Variants in DNAJC5B observed in about 807,000 individuals in gnomAD.
The protein encoded by DNAJC5B is dnaJ homolog subfamily C member 5B.
A neutral mutation model predicts 24.7 loss-of-function variants in DNAJC5B; 23 were observed. The ratio of observed to expected loss-of-function variants is 0.93; its 90% CI spans 0.67 to 1.32. The LOEUF is 1.32. Ranked by LOEUF, DNAJC5B falls within the 40% of genes most tolerant of loss-of-function variation. The probability of loss-of-function intolerance (pLI) is 0.00; values close to 1 mark genes in which losing one functional copy is unlikely to be tolerated. For missense variants in DNAJC5B, 238 were observed against 240.8 expected, an observed-to-expected ratio of 0.99 and a Z score of 0.08; for synonymous variants, 101 against 90.1, an observed-to-expected ratio of 1.12 and a Z score of -0.68.
At chr8:66,097,540 T>G (rs1188119437) in intron 5 of DNAJC5B, among the ~76,000 whole-genome samples, 1 of 148,092 alleles carries the variant, frequency 6.8e-6, no homozygotes, top group Non-Finnish European at 1.5e-5. Flanking sequence ...TTTTCTGGGT[T>G]TTTTTTTCAA....
intron 3 of DNAJC5B, among the ~76,000 whole-genome samples, chr8:66,053,805 T>C (rs894398493): frequency 1.3e-5 from 2 of 152,156 alleles, no homozygotes; most frequent in African/African-American, 4.8e-5. Context: ...AATTTTGTAT[T>C]TTTAGTAGAG....
intron 4 of DNAJC5B, among the ~76,000 whole-genome samples, chr8:66,077,769 C>G (rs755789490): frequency 2.6e-5 from 4 of 152,174 alleles, no homozygotes; most frequent in African/African-American, 4.8e-5. Flanking sequence ...TGCAGGAAGA[C>G]AGAGAATATG....
chr8:66,062,039 A>C (rs1044015062), intron 3 of DNAJC5B, among the ~76,000 whole-genome samples: 2 of 152,226 alleles, frequency 1.3e-5, no homozygotes, highest in Non-Finnish European at 2.9e-5. Flanking sequence ...CTGCAGCCTC[A>C]CAGACAGTAG....
intron 2 of DNAJC5B, among the ~76,000 whole-genome samples, chr8:66,050,807 A>G (rs1411008358): frequency 6.6e-6 from 1 of 152,198 alleles, no homozygotes; most frequent in Non-Finnish European, 1.5e-5. Flanking sequence ...TAGGATTTGA[A>G]TTATTATGTT....
intron 5 of DNAJC5B, among the ~76,000 whole-genome samples, chr8:66,095,051 G>T (rs971012935): frequency 1.2e-4 from 19 of 152,064 alleles, no homozygotes; most frequent in Admixed American, 6.5e-5. Context: ...AATGAGAGTG[G>T]TCTATAATTT....
chr8:66,077,139 A>G (rs965910535), intron 4 of DNAJC5B, among the ~76,000 whole-genome samples: 1 of 152,214 alleles, frequency 6.6e-6, no homozygotes, highest in Non-Finnish European at 1.5e-5. Context: ...TATAATGACT[A>G]AGTAAGGACT....
At position 66,094,487 on chromosome 8, in the gene DNAJC5B, C is replaced by G. The variant is rs79967906; in HGVS notation, c.506-5450C>G. On this transcript the variant is annotated intron_variant, in intron 5 of 5. Transcript: ENST00000276570. ...TTTTAAAAACATTGATTTTTGAATC[C>G]AAGAAACTAGGTAAACTCTCTTGCT... Among the ~76,000 whole-genome samples, 84 of 151,968 alleles carry G rather than the reference C, an allele frequency of 5.5e-4. 3 individuals carry two copies. In the East Asian group the frequency reaches 0.016, roughly 29 times the overall value.
chr8:66,020,508 T>G (rs1390433778), upstream of DNAJC5B, among the ~76,000 whole-genome samples: 2 of 152,012 alleles, frequency 1.3e-5, no homozygotes, highest in Non-Finnish European at 2.9e-5. Context: ...AGAATGAAAT[T>G]CCAGTGAGAC....
chr8:66,042,029 C>T (rs1806621554), intron 1 of DNAJC5B, among the ~76,000 whole-genome samples: 1 of 152,168 alleles, frequency 6.6e-6, no homozygotes, highest in African/African-American at 2.4e-5. Context: ...TTCAGGGAAG[C>T]TTTCTCTAAT....
rs563401016 is a variant in DNAJC5B at position 66,060,148 on chromosome 8, C to A, written c.119+8482C>A. On this transcript the variant is annotated intron_variant, in intron 3 of 5. Coordinates refer to ENST00000276570, the MANE Select transcript of DNAJC5B (RefSeq NM_033105.6). ...CTTGTAGCTCTGTTTTTCTCTAGGACCCAGACACATGCTCAGGGGGTGAGC... is the reference window on the plus strand; with the variant it reads ...CTTGTAGCTCTGTTTTTCTCTAGGAACCAGACACATGCTCAGGGGGTGAGC... Among the ~76,000 whole-genome samples the A allele has an allele frequency of 3.3e-5, 5 of 152,284 alleles. No homozygotes were observed. In the South Asian group the frequency reaches 6.2e-4, roughly 19 times the overall value.
chr8:66,051,787 G>A (rs1806851292), intron 3 of DNAJC5B, 121 bp downstream of exon 3: 2 of 727,726 alleles, frequency 2.7e-6, no homozygotes, highest in African/African-American at 1.8e-5. Context: ...TAGATCCAAT[G>A]TTCCCTGCTC....
At chr8:66,069,672 C>T (rs142120201) in intron 3 of DNAJC5B, among the ~76,000 whole-genome samples, 1 of 152,238 alleles carries the variant, frequency 6.6e-6, no homozygotes, top group Middle Eastern at 3.4e-3. Flanking sequence ...CTATTCCAAA[C>T]AATAGAAAAA....
intron 1 of DNAJC5B, among the ~76,000 whole-genome samples, chr8:66,022,272 T>G (rs1377537750): frequency 6.6e-6 from 1 of 152,196 alleles, no homozygotes; most frequent in African/African-American, 2.4e-5. Context: ...TTACCTTGCC[T>G]TGGGGTTTTG....
At chr8:66,033,770 CTTTTTT>C (rs765814272) in intron 1 of DNAJC5B, among the ~76,000 whole-genome samples, 3,929 of 105,404 alleles carry the variant, frequency 0.037, 82 homozygotes, top group Non-Finnish European at 0.048. Flanking sequence ...GATCATTCCG[CTTTTTT>C]TTTTTTTTTT....
At chr8:66,039,803 T>C (rs1009158013) in intron 1 of DNAJC5B, among the ~76,000 whole-genome samples, 2 of 152,222 alleles carry the variant, frequency 1.3e-5, no homozygotes, top group African/African-American at 4.8e-5. Context: ...CCATTTGTTG[T>C]ATAACTCATT....
At position 66,070,802 on chromosome 8, in the gene DNAJC5B, T is replaced by C. The variant is rs548141840; in HGVS notation, c.120-5858T>C. On this transcript the variant is annotated intron_variant, in intron 3 of 5. Transcript: ENST00000276570. ...CATCATGCTACCTGACTTCAAACTA[T>C]GCTACAAGGCCACAGTAATCAAAAC... 3.3e-5 allele frequency among the ~76,000 whole-genome samples: 5 copies of C among 152,288 alleles called. No homozygotes were observed. In the East Asian group the frequency reaches 9.6e-4, roughly 29 times the overall value.
chr8:66,076,558 T>G, intron 3 of DNAJC5B, 102 bp from the exon 4 acceptor site: 1 of 1,215,444 alleles, frequency 8.2e-7, no homozygotes, highest in South Asian at 1.3e-5. Flanking sequence ...TCACAGTATT[T>G]GCGCTAATAA....
intron 2 of DNAJC5B, among the ~76,000 whole-genome samples, chr8:66,048,650 C>T (rs528309048): frequency 6.6e-6 from 1 of 152,234 alleles, no homozygotes; most frequent in Non-Finnish European, 1.5e-5. Context: ...ACCCAGAAGT[C>T]CTAATTCATG....
upstream of DNAJC5B, among the ~76,000 whole-genome samples, chr8:66,019,503 C>T (rs1203936470): frequency 6.6e-6 from 1 of 152,130 alleles, no homozygotes; most frequent in Admixed American, 6.5e-5. Context: ...CAAATTCATG[C>T]ATTAATAACA....
Sources: gnomAD v4.1 joint callset for allele counts (sites outside exome capture counted in the v4.1 genomes callset) on GRCh38, gnomAD v4.1.1 for gene constraint, MANE v1.5 for transcripts, NCBI Gene and HGNC (gene_info 2026-07-23, HGNC 2026-07-21) for gene names.